The following TTN variants were observed in gnomAD, a reference collection of about 807,000 sequenced individuals.
TTN encodes connectin.
TTN carries 1,525 observed loss-of-function variants against 3,223.0 expected under a neutral mutation model. That is an observed-to-expected ratio of 0.47 (90% CI 0.45 to 0.49). The LOEUF is 0.49. Ranked by LOEUF, TTN falls within the 20% of genes least tolerant of loss-of-function variation. The probability of loss-of-function intolerance (pLI) is 0.00; values close to 1 mark genes in which losing one functional copy is unlikely to be tolerated. For synonymous variants in TTN, 14,094 were observed against 15,161.0 expected (o/e 0.93, Z 5.17); for missense variants, 40,786 against 43,424.0 (o/e 0.94, Z 5.40).
At position 178,607,907 on chromosome 2, in the gene TTN, C is replaced by T. The variant is rs536494011; in HGVS notation, c.52880G>A (p.Arg17627His). 3.3e-5 allele frequency: 54 copies of T among 1,613,000 alleles called. No homozygotes were observed. The highest frequency in any genetic ancestry group is 3.6e-5 in the Non-Finnish European group (42 of 1,179,308). The change falls in exon 276 of 363, where the codon CGT becomes CAT. Residue 17627 changes from arginine to histidine, a missense_variant. Coordinates refer to ENST00000589042, the MANE Select transcript of TTN (RefSeq NM_001267550.2). ...TCGGATTTCTTTGACGGTGTACTGA[C>T]GGACCTTGATCATCTTCTCTGTGCA... ...SRCTEKMIKV[R>H]QYTVKEIREG...
rs2058359486 is a variant in TTN, at chr2:178,621,979, A to G, written c.44943T>C (p.Ile14981=). ...TGATGTCATATTTTTTGCCCTTTTT[A>G]ATTTCAGCACCATCTTTAAACCACT... ...KVKWFKDGAE[I]KKGKKYDIIS... Residue 14981 remains isoleucine (I), a synonymous_variant, in exon 244 of 363, where the codon ATT becomes ATC. Coordinates refer to ENST00000589042, the MANE Select transcript of TTN (RefSeq NM_001267550.2). 1 of 1,610,166 alleles carries G rather than the reference A, an allele frequency of 6.2e-7. No homozygotes were observed. The highest frequency in any genetic ancestry group is 8.5e-7 in the Non-Finnish European group (1 of 1,177,954).
At position 178,562,183 on chromosome 2, in the gene TTN, A is replaced by G; in HGVS notation, c.83949T>C (p.Asp27983=). 1 of 1,613,092 alleles carries G rather than the reference A, an allele frequency of 6.2e-7. No individual in the cohort carries two copies. The highest frequency in any genetic ancestry group is 8.5e-7 in the Non-Finnish European group (1 of 1,179,540). The stretch of plus-strand genomic sequence containing the variant: ...CTTGAGGTCTTCCTTTGAATGGCAC[A>G]TCAATCTTAAGTTGTTCTCTAGCCT... ...NVKAREQLKI[D]VPFKGRPQAT... Residue 27983 remains aspartate (D), a synonymous_variant, in exon 326 of 363, where the codon GAT becomes GAC. Transcript: ENST00000589042.
chr2:178,546,087 CG>C lies in TTN; in HGVS notation c.95148del (p.Val31717SerfsTer4). 1 of 1,610,892 alleles carries C rather than the reference CG, an allele frequency of 6.2e-7. No individual in the cohort carries two copies. Among genetic ancestry groups the C allele is most frequent in the Non-Finnish European group, 8.5e-7 (1 of 1,177,816 alleles). On this transcript the variant is annotated frameshift_variant, in exon 343 of 363. Transcript: ENST00000589042. LOFTEE classifies it high-confidence loss of function. Reference sequence around the variant, plus strand: ...CACTTCTCCTGTGTTACTCTGCTGACGGTGAGCTTTCCACATGGGCCAGGGG... The same window carrying C: ...CACTTCTCCTGTGTTACTCTGCTGACGTGAGCTTTCCACATGGGCCAGGGG... ...LDSPGPCGKL[T>X]VSRVTQEKCT...
At chr2:178,556,086 A>C (rs1191260037) in intron 330 of TTN, 1 of 152,218 alleles carries the variant, frequency 6.6e-6, no homozygotes, top group Non-Finnish European at 1.5e-5. Flanking sequence ...GAAAGAATTC[A>C]TGAAAATTCC....
Position 178,576,177 on chromosome 2 carries a change from T to C in TTN, c.69955A>G (p.Ile23319Val), listed in dbSNP as rs753718401. The change falls in exon 326 of 363, where the codon ATC (isoleucine) becomes GTC (valine). Residue 23319 changes from isoleucine (I) to valine (V), a missense_variant. Physicochemically the swap from Ile to Val is conservative, Grantham distance 29 (BLOSUM62 3). Coordinates refer to ENST00000589042, the MANE Select transcript of TTN (RefSeq NM_001267550.2). The surrounding 1 kb of genome is among the most constrained non-coding windows in gnomAD (Gnocchi z 4.3). Reference protein sequence around the residue: ...KEKYNFRISAINDAGVGEPAV... With the variant: ...KEKYNFRISAVNDAGVGEPAV... The stretch of plus-strand genomic sequence containing the variant: ...GGCTCCCCAACACCTGCATCGTTGA[T>C]GGCACTGATTCTGAAGTTGTATTTT... 6.2e-7 allele frequency: 1 copy of C among 1,613,134 alleles called. No homozygotes were observed. The highest frequency in any genetic ancestry group is 1.1e-5 in the South Asian group (1 of 90,988).
In TTN at chr2:178,706,953, G is replaced by T; in HGVS notation, c.29043C>A (p.Asp9681Glu). 2 of 1,601,610 alleles carry T rather than the reference G, an allele frequency of 1.2e-6. No homozygotes were observed. The highest frequency in any genetic ancestry group is 1.7e-6 in the Non-Finnish European group (2 of 1,174,534). Residue 9681 changes from aspartate (D) to glutamate (E), a missense_variant and splice_region_variant, in exon 101 of 363, where the codon GAC becomes GAA. Physicochemically the swap from Asp to Glu is conservative, Grantham distance 45. Transcript: ENST00000589042. Reference sequence around the variant, plus strand: ...TGGTTGCTGGGGCCACAGCTGGTTTGTCTGAAAAAACATTTACATGTTTTG... The same window carrying T: ...TGGTTGCTGGGGCCACAGCTGGTTTTTCTGAAAAAACATTTACATGTTTTG... ...DTTKSKVTIK[D>E]KPAVAPATKK...
Position 178,537,809 on chromosome 2 carries a change from T to G in TTN, c.99398A>C (p.Lys33133Thr), listed in dbSNP as rs794729552. 1 of 1,613,732 alleles carries G rather than the reference T, an allele frequency of 6.2e-7. No individual in the cohort carries two copies. Among genetic ancestry groups the G allele is most frequent in the Non-Finnish European group, 8.5e-7 (1 of 1,179,752 alleles). Residue 33133 changes from lysine to threonine, a missense_variant, in exon 355 of 363, where the codon AAA becomes ACA. Physicochemically the swap from Lys to Thr is moderately conservative, Grantham distance 78 (BLOSUM62 -1). Coordinates refer to ENST00000589042, the MANE Select transcript of TTN (RefSeq NM_001267550.2). ...QIVGRPLPDI[K>T]WYRFGKELIQ... ...GAGCTCTTTACCAAATCTGTACCATTTAATGTCAGGAAGAGGCCTTCCAAC... is the reference window on the plus strand; with the variant it reads ...GAGCTCTTTACCAAATCTGTACCATGTAATGTCAGGAAGAGGCCTTCCAAC...
At chr2:178,592,754 A>G in intron 300 of TTN, 21 bp downstream of exon 300, 1 of 1,612,884 alleles carries the variant, frequency 6.2e-7, no homozygotes. Flanking sequence ...TTGCAAACAC[A>G]AGTGAGAGCA....
chr2:178,579,522 C>T (rs755007268), intron 319 of TTN, 39 bp downstream of exon 319: 11 of 1,605,528 alleles, frequency 6.9e-6, no homozygotes, highest in Non-Finnish European at 9.3e-6. Context: ...CTTTCGATGA[C>T]AATAAAGGAA....
intron 114 of TTN, 26 bp from the exon 115 acceptor site, chr2:178,695,436 A>C: frequency 6.3e-7 from 1 of 1,592,996 alleles, no homozygotes; most frequent in African/African-American, 1.3e-5. Flanking sequence ...AGGAATAAGA[A>C]GGGATGCTTA....
In TTN at chr2:178,651,768, T is replaced by A; in HGVS notation, c.39380-19A>T. On this transcript the variant is annotated intron_variant, in intron 205 of 362. Transcript: ENST00000589042. Reference sequence around the variant, plus strand: ...ACGGTCACTAAAGAATTAGAAGGTATGTTTTAGAAAGAACGAAGATTGAGA... The same window carrying A: ...ACGGTCACTAAAGAATTAGAAGGTAAGTTTTAGAAAGAACGAAGATTGAGA... 1.9e-6 allele frequency: 3 copies of A among 1,611,700 alleles called. No homozygotes were observed. The highest frequency in any genetic ancestry group is 1.1e-5 in the South Asian group (1 of 90,690).
intron 99 of TTN, among the ~76,000 whole-genome samples, chr2:178,708,174 G>A (rs2076150809): frequency 6.6e-6 from 1 of 152,084 alleles, no homozygotes; most frequent in Non-Finnish European, 1.5e-5. Context: ...GCTGAACCCT[G>A]AAAATGAAGG....
rs928526953 is a variant in TTN, at chr2:178,789,306, G to A, written c.2076+54C>T. ...TACAATAAGGAATTTCACATGATAT[G>A]TGGTATTAATGTATTATAATAGGGG... On this transcript the variant is annotated intron_variant, in intron 13 of 362. Coordinates refer to ENST00000589042, the MANE Select transcript of TTN (RefSeq NM_001267550.2). 8.7e-6 allele frequency: 14 copies of A among 1,600,350 alleles called. No individual in the cohort carries two copies. In the African/African-American group the frequency reaches 1.7e-4, roughly 20 times the overall value.
At chr2:178,663,760 A>T (rs2065240722) in intron 170 of TTN, 50 bp from the exon 171 acceptor site, 1 of 1,612,132 alleles carries the variant, frequency 6.2e-7, no homozygotes, top group African/African-American at 1.3e-5. Flanking sequence ...AGACCACTGG[A>T]AAAAATATCT....
Position 178,591,117 on chromosome 2 carries a change from G to A in TTN, c.60608C>T (p.Pro20203Leu), listed in dbSNP as rs753978233. ...TTTCTCAACAATATAATTTATCACA[G>A]GGCTTCCTCCATCATCCTTAGGTGG... is the stretch of plus-strand genomic sequence containing the variant. ...WQPPKDDGGS[P>L]VINYIVEKQD... The change falls in exon 304 of 363, where the codon CCT (proline) becomes CTT (leucine). Residue 20203 changes from proline to leucine, a missense_variant. Coordinates refer to ENST00000589042, the MANE Select transcript of TTN (RefSeq NM_001267550.2). 6.2e-7 allele frequency: 1 copy of A among 1,613,188 alleles called. No homozygotes were observed. The highest frequency in any genetic ancestry group is 8.5e-7 in the Non-Finnish European group (1 of 1,179,488).
rs1439545718 is a variant in TTN, at chr2:178,553,524, A to G, written c.89481T>C (p.Pro29827=). The change falls in exon 334 of 363, where the codon CCT becomes CCC. Residue 29827 remains proline (P), a synonymous_variant. Transcript: ENST00000589042. ...TACCAAGTATATCTTTAGCTTGTAC[A>G]GGTTCATTCATTTCTATAGGTTCTC... ...GQGEPIEMNE[P]VQAKDILEAP... 7 of 1,612,706 alleles carry G rather than the reference A, an allele frequency of 4.3e-6. No homozygotes were observed. Among genetic ancestry groups the G allele is most frequent in the Middle Eastern group, 1.6e-4 (1 of 6,078 alleles).
intron 87 of TTN, 63 bp downstream of exon 87, chr2:178,717,460 C>T (rs1036882597): frequency 3.1e-5 from 49 of 1,559,978 alleles, no homozygotes; most frequent in Non-Finnish European, 4.2e-5. Context: ...ATGGCACCAG[C>T]CTTTTGGTGG....
chr2:178,633,634 G>T lies in TTN; in HGVS notation c.42725C>A (p.Ala14242Glu). 1.2e-6 allele frequency: 2 copies of T among 1,612,932 alleles called. No individual in the cohort carries two copies. The highest frequency in any genetic ancestry group is 1.7e-6 in the Non-Finnish European group (2 of 1,179,490). Residue 14242 changes from alanine (A) to glutamate (E), a missense_variant, in exon 232 of 363, where the codon GCA becomes GAA. Ala to Glu is a moderately radical substitution (Grantham distance 107). Transcript: ENST00000589042. The part of the protein sequence containing the change: ...YFTVKLHDKT[A>E]VEKDEITLKC... Reference sequence around the variant, plus strand: ...CAAAGTAATCTCATCCTTCTCCACTGCAGTTTTGTCATGTAATTTCACAGT... The same window carrying T: ...CAAAGTAATCTCATCCTTCTCCACTTCAGTTTTGTCATGTAATTTCACAGT...
rs756717504 is a variant in TTN, at chr2:178,702,661, C to T, written c.30226G>A (p.Glu10076Lys). ...ATGCGCTTTGTAAACTGAATTGGTT[C>T]AGCTGTTTAAGTACAAAGAGGGTTC... is the stretch of plus-strand genomic sequence containing the variant. The part of the protein sequence containing the change: ...ETSAELRIEA[E>K]PIQFTKRIQN... Residue 10076 changes from glutamate (E) to lysine (K), a missense_variant and splice_region_variant, in exon 107 of 363, where the codon GAA becomes AAA. Physicochemically the swap from Glu to Lys is moderately conservative, Grantham distance 56. Coordinates refer to ENST00000589042, the MANE Select transcript of TTN (RefSeq NM_001267550.2). The T allele has an allele frequency of 6.8e-6, 11 of 1,612,116 alleles. No individual in the cohort carries two copies. Among genetic ancestry groups the T allele is most frequent in the South Asian group, 1.1e-5 (1 of 90,958 alleles).
Sources: gnomAD v4.1 joint callset for allele counts (sites outside exome capture counted in the v4.1 genomes callset) on GRCh38, gnomAD v4.1.1 for gene constraint, Gnocchi (gnomAD v3.1) non-coding constraint, MANE v1.5 for transcripts, NCBI Gene and HGNC (gene_info 2026-07-23, HGNC 2026-07-21) for gene names.